The following TLN2 variants were observed in gnomAD, a reference collection of about 807,000 sequenced individuals.
TLN2 encodes the protein talin 2, also known as talin-2.
In TLN2, 118 loss-of-function variants were observed where a neutral mutation model predicts 294.7. The ratio of observed to expected loss-of-function variants is 0.40; its 90% CI spans 0.34 to 0.47. The LOEUF (loss-of-function observed/expected upper bound fraction) is 0.47. Among genes scored for constraint, TLN2 ranks in the 20% least tolerant of loss-of-function variants. The probability of loss-of-function intolerance (pLI) is 0.84; values close to 1 mark genes in which losing one functional copy is unlikely to be tolerated. For missense variants in TLN2, 3,083 were observed against 3,282.2 expected, an observed-to-expected ratio of 0.94 and a Z score of 1.48; for synonymous variants, 1,431 against 1,304.5, an observed-to-expected ratio of 1.10 and a Z score of -2.09.
At chr15:62,819,158 C>G (rs2067352244) in intron 52 of TLN2, among the ~76,000 whole-genome samples, 1 of 152,102 alleles carries the variant, frequency 6.6e-6, no homozygotes, top group African/African-American at 2.4e-5. Flanking sequence ...CTGTACCCAG[C>G]CAGAATGTTC....
chr15:62,833,174 T>C (rs1015052055), intron 54 of TLN2: 5 of 187,366 alleles, frequency 2.7e-5, no homozygotes, highest in African/African-American at 1.2e-4. Flanking sequence ...GGTAAAAGGG[T>C]AAATTTTGTG....
intron 32 of TLN2, among the ~76,000 whole-genome samples, chr15:62,741,746 C>CGTGTGTGTGTGTGTGTGTGTGTGTGT (rs1555495614): frequency 9.2e-3 from 10 of 1,090 alleles, no homozygotes; most frequent in African/African-American, 0.012. Context: ...TTAAAATTTG[C>CGTGTGTGTGTGTGTGTGTGTGTGTGT]GCGTGTGTGT....
At chr15:62,503,789 A>G (rs1345975406) in intron 1 of TLN2, among the ~76,000 whole-genome samples, 3 of 152,166 alleles carry the variant, frequency 2.0e-5, no homozygotes, top group Non-Finnish European at 4.4e-5. Context: ...TGAGCTTGTC[A>G]GAGAACCTGG....
At chr15:62,585,920 G>A (rs1019934550) in intron 1 of TLN2, among the ~76,000 whole-genome samples, 9 of 152,096 alleles carry the variant, frequency 5.9e-5, no homozygotes, top group Non-Finnish European at 1.0e-4. Context: ...GGAGCGCAAG[G>A]GAGCTCAGTG....
chr15:62,588,665 C>CAT (rs3055752), intron 1 of TLN2, among the ~76,000 whole-genome samples: 8,314 of 70,656 alleles, frequency 0.12, 512 homozygotes, highest in Non-Finnish European at 0.14. Flanking sequence ...ACATTTTTTT[C>CAT]ATATATATAT....
chr15:62,781,899 G>C (rs1193840787), intron 44 of TLN2, among the ~76,000 whole-genome samples: 2 of 152,068 alleles, frequency 1.3e-5, no homozygotes, highest in African/African-American at 4.8e-5. Context: ...AGATATAAAT[G>C]GCATTGAGAG....
intron 24 of TLN2, among the ~76,000 whole-genome samples, chr15:62,719,190 C>A (rs182276694): frequency 1.3e-5 from 2 of 152,304 alleles, no homozygotes; most frequent in Admixed American, 1.3e-4. Flanking sequence ...CATTACTGTA[C>A]AGCAGCACTG....
intron 54 of TLN2, among the ~76,000 whole-genome samples, chr15:62,822,008 C>G (rs1290984802): frequency 6.6e-6 from 1 of 152,164 alleles, no homozygotes. Flanking sequence ...GAAGCCATGT[C>G]AGTTGACACA....
In TLN2 at chr15:62,805,591, G is replaced by T. The variant is rs2066225739; in HGVS notation, c.6478-9G>T. 5.1e-6 allele frequency: 8 copies of T among 1,578,372 alleles called. No homozygotes were observed. Among genetic ancestry groups the T allele is most frequent in the Non-Finnish European group, 6.1e-6 (7 of 1,156,938 alleles). On this transcript the variant is annotated splice_polypyrimidine_tract_variant and intron_variant, in intron 50 of 58. Transcript: ENST00000636159. ...TGATTTTTTTAACCTCTCTGTTTCT[G>T]ACTTCCAGGTGTTCCAGTCAAAAGA...
chr15:62,771,077 C>T lies in TLN2; in HGVS notation c.5310C>T (p.Leu1770=), dbSNP rs200255870. The T allele has an allele frequency of 2.1e-5, 34 of 1,613,684 alleles. No individual in the cohort carries two copies. Among genetic ancestry groups the T allele is most frequent in the African/African-American group, 1.5e-4 (11 of 74,980 alleles). ...QMTVLDQTKT[L]AESALQMLYA... is the part of the protein sequence containing the mutation. The stretch of plus-strand genomic sequence containing the variant: ...CGGTGCTGGACCAGACCAAGACTCT[C>T]GCAGAGTCTGCCTTGCAGATGTTGT... The change falls in exon 42 of 59, where the codon CTC becomes CTT. Residue 1770 remains leucine, a synonymous_variant. Coordinates refer to ENST00000636159, the MANE Select transcript of TLN2 (RefSeq NM_015059.3).
chr15:62,476,668 G>T (rs1369336270), intron 1 of TLN2, among the ~76,000 whole-genome samples: 1 of 152,210 alleles, frequency 6.6e-6, no homozygotes, highest in Non-Finnish European at 1.5e-5. Flanking sequence ...TACGAGTCCT[G>T]ATTCTCTTCT....
chr15:62,642,131 A>G (rs1473864421), intron 3 of TLN2, among the ~76,000 whole-genome samples: 1 of 152,260 alleles, frequency 6.6e-6, no homozygotes, highest in Non-Finnish European at 1.5e-5. Flanking sequence ...TCACACATAC[A>G]ATGAGGGCAG....
At chr15:62,822,742 TA>T (rs2067681609) in intron 54 of TLN2, among the ~76,000 whole-genome samples, 1 of 152,092 alleles carries the variant, frequency 6.6e-6, no homozygotes, top group Non-Finnish European at 1.5e-5. Context: ...CTATGAAAAA[TA>T]ATGGTTGCTA....
At chr15:62,594,139 T>C (rs1045166353) in intron 2 of TLN2, among the ~76,000 whole-genome samples, 2 of 152,174 alleles carry the variant, frequency 1.3e-5, no homozygotes, top group Non-Finnish European at 2.9e-5. Context: ...AACAGACACA[T>C]AGACCAGTGG....
intron 1 of TLN2, among the ~76,000 whole-genome samples, chr15:62,541,490 G>A (rs1344744625): frequency 6.6e-6 from 1 of 152,140 alleles, no homozygotes; most frequent in East Asian, 1.9e-4. Flanking sequence ...CACTGCCTGT[G>A]TATCTTCTCT....
intron 53 of TLN2, 39 bp downstream of exon 53, chr15:62,819,660 C>T (rs1175280955): frequency 6.4e-7 from 1 of 1,568,672 alleles, no homozygotes. Flanking sequence ...GGGCAACCCT[C>T]CCAGGCAGTG....
intron 45 of TLN2, chr15:62,784,684 G>A (rs1175720683): frequency 6.6e-6 from 1 of 152,236 alleles, no homozygotes; most frequent in African/African-American, 2.4e-5. Flanking sequence ...TGGCTTCTTA[G>A]AGAAAGGAAG....
chr15:62,604,238 G>A (rs769615621), intron 2 of TLN2, among the ~76,000 whole-genome samples: 2 of 152,024 alleles, frequency 1.3e-5, no homozygotes, highest in Non-Finnish European at 2.9e-5. Context: ...TTGTCAAGGC[G>A]GGGCATGGTG....
chr15:62,399,319 G>C (rs999686292), intron 1 of TLN2, among the ~76,000 whole-genome samples: 4 of 140,424 alleles, frequency 2.8e-5, no homozygotes, highest in African/African-American at 1.0e-4. Flanking sequence ...GGAGAAGTTT[G>C]CTGCAGGAGC....
Sources: allele counts gnomAD v4.1 joint callset (sites outside exome capture counted in the v4.1 genomes callset), GRCh38; gene constraint gnomAD v4.1.1; transcripts MANE v1.5; gene names NCBI Gene and HGNC (gene_info 2026-07-23, HGNC 2026-07-21).